FGF1: variants seen among roughly 807,000 people sequenced by gnomAD.
FGF1 encodes fibroblast growth factor 1.
A neutral mutation model predicts 13.4 loss-of-function variants in FGF1; 9 were observed. The observed-to-expected ratio is 0.67, with a 90% CI of 0.40 to 1.17. The LOEUF (loss-of-function observed/expected upper bound fraction) is 1.17. Among genes scored for constraint, FGF1 ranks in the 50% most tolerant of loss-of-function variants. The probability of loss-of-function intolerance (pLI) is 0.01; values close to 1 mark genes in which losing one functional copy is unlikely to be tolerated. For missense variants in FGF1, 156 were observed against 192.7 expected (o/e 0.81, Z 1.13); for synonymous variants, 93 against 79.0 (o/e 1.18, Z -0.94).
chr5:142,662,072 T>C (rs1165615526), intron 1 of FGF1, among the ~76,000 whole-genome samples: 1 of 151,750 alleles, frequency 6.6e-6, no homozygotes, highest in East Asian at 1.9e-4. Context: ...TTACATGAAA[T>C]GTCTGGAATA....
chr5:142,618,522 T>C (rs886126950), intron 1 of FGF1, among the ~76,000 whole-genome samples: 2 of 152,222 alleles, frequency 1.3e-5, no homozygotes, highest in African/African-American at 4.8e-5. Flanking sequence ...TTGAACTCGT[T>C]GGAGCCTGGT....
chr5:142,646,258 C>G (rs1353517569), intron 1 of FGF1, among the ~76,000 whole-genome samples: 1 of 133,452 alleles, frequency 7.5e-6, no homozygotes, highest in Non-Finnish European at 1.6e-5. Context: ...ACTCTGTCAC[C>G]CAGGCTGGAG....
At chr5:142,697,003 C>T (rs1269005017) in intron 2 of FGF1, among the ~76,000 whole-genome samples, 23 of 152,200 alleles carry the variant, frequency 1.5e-4, no homozygotes, top group Admixed American at 1.5e-3. Context: ...GCTGCAAAAT[C>T]TGTTTCTCCT....
At chr5:142,691,218 C>T (rs1227912689) in intron 2 of FGF1, among the ~76,000 whole-genome samples, 7 of 151,996 alleles carry the variant, frequency 4.6e-5, no homozygotes, top group African/African-American at 7.3e-5. Flanking sequence ...GTTAGGAGTT[C>T]GAGACTAGCC....
rs145735114 is a variant in FGF1, at chr5:142,673,916, A to G, written c.-35+12041T>C. Among the ~76,000 whole-genome samples, 520 of 152,300 alleles carry G rather than the reference A, an allele frequency of 3.4e-3. 1 individual carries two copies. Among genetic ancestry groups the G allele is most frequent in the Middle Eastern group, 0.014 (4 of 294 alleles). ...TTTTTGCATGGCTCCAGGGCCCTGC[A>G]TGAGGTCTTTGCATGCCTCACCAGC... On this transcript the variant is annotated intron_variant, in intron 1 of 3. Transcript: ENST00000337706.
Position 142,643,996 on chromosome 5 carries a change from A to G in FGF1, c.-34-29835T>C, listed in dbSNP as rs566885679. Reference sequence around the variant, plus strand: ...ATCTTTTCCAATTCTCATGCAGAGAACATTTTCCCGACTTAGCTAGGCTCT... The same window carrying G: ...ATCTTTTCCAATTCTCATGCAGAGAGCATTTTCCCGACTTAGCTAGGCTCT... On this transcript the variant is annotated intron_variant, in intron 1 of 3. Coordinates refer to ENST00000337706, the MANE Select transcript of FGF1 (RefSeq NM_000800.5). The G allele has an allele frequency of 2.0e-5, 3 of 152,376 alleles. No homozygotes were observed. The South Asian group carries it at 6.2e-4, about 32-fold the overall frequency. The allele number at this position is 152,376 out of a possible 1,614,324, so 9.4% of individuals were successfully genotyped here. A position where few individuals can be genotyped will look rare whatever the true frequency, so the allele number is the denominator to read the frequency against.
intron 1 of FGF1, among the ~76,000 whole-genome samples, chr5:142,663,209 G>A (rs941820405): frequency 4.0e-5 from 6 of 148,592 alleles, no homozygotes; most frequent in South Asian, 4.2e-4. Flanking sequence ...AAAAGATTCC[G>A]AAGGACAGAG....
chr5:142,657,488 G>A (rs963009565), intron 1 of FGF1, among the ~76,000 whole-genome samples: 1 of 152,220 alleles, frequency 6.6e-6, no homozygotes, highest in Non-Finnish European at 1.5e-5. Flanking sequence ...AACAACCTTG[G>A]AAAAGCTTGT....
intron 3 of FGF1, among the ~76,000 whole-genome samples, chr5:142,599,162 G>A (rs952972607): frequency 1.3e-5 from 2 of 152,198 alleles, no homozygotes; most frequent in Admixed American, 6.5e-5. Flanking sequence ...TGGCAGAGGC[G>A]TGAGATTCAA....
At chr5:142,678,080 C>G (rs889475606) in intron 1 of FGF1, among the ~76,000 whole-genome samples, 1 of 152,102 alleles carries the variant, frequency 6.6e-6, no homozygotes, top group Non-Finnish European at 1.5e-5. Flanking sequence ...GGGCCTAGAA[C>G]AGCAGAGGAG....
At chr5:142,683,924 A>G (rs1774204688) in intron 1 of FGF1, among the ~76,000 whole-genome samples, 1 of 151,830 alleles carries the variant, frequency 6.6e-6, no homozygotes, top group Non-Finnish European at 1.5e-5. Context: ...TTAAAATCCT[A>G]TATATACGAG....
intron 2 of FGF1, among the ~76,000 whole-genome samples, chr5:142,602,782 T>C (rs974527751): frequency 2.6e-5 from 4 of 152,188 alleles, no homozygotes; most frequent in Non-Finnish European, 5.9e-5. Flanking sequence ...AGTAAACTTC[T>C]TTCTTCTTGC....
At chr5:142,693,840 C>T (rs560096646) in intron 2 of FGF1, among the ~76,000 whole-genome samples, 3 of 152,286 alleles carry the variant, frequency 2.0e-5, no homozygotes, top group Admixed American at 6.5e-5. Flanking sequence ...TATTGGAGAA[C>T]ATATCAACAT....
intron 2 of FGF1, among the ~76,000 whole-genome samples, chr5:142,610,480 G>A (rs978709355): frequency 6.6e-6 from 1 of 152,134 alleles, no homozygotes; most frequent in African/African-American, 2.4e-5. Context: ...GTCCAAAATG[G>A]AACTGGCCAT....
intron 1 of FGF1, chr5:142,644,231 C>T (rs1006878251): frequency 6.6e-6 from 1 of 152,302 alleles, no homozygotes; most frequent in Non-Finnish European, 1.5e-5. Flanking sequence ...CTGGTTGCCT[C>T]ACTGAGTTGG....
chr5:142,693,837 G>A (rs1043125143), intron 2 of FGF1, among the ~76,000 whole-genome samples: 4 of 152,118 alleles, frequency 2.6e-5, no homozygotes, highest in African/African-American at 9.7e-5. Flanking sequence ...CTGTATTGGA[G>A]AACATATCAA....
chr5:142,654,306 ATTTGGGGACT>A (rs772760164), intron 1 of FGF1, among the ~76,000 whole-genome samples: 1 of 152,196 alleles, frequency 6.6e-6, no homozygotes, highest in Non-Finnish European at 1.5e-5. Context: ...GGCACATGAA[ATTTGGGGACT>A]TTTGATGCAG....
At chr5:142,608,749 G>GTATATATATATATATATATATATA in intron 2 of FGF1, among the ~76,000 whole-genome samples, 1 of 144,258 alleles carries the variant, frequency 6.9e-6, no homozygotes, top group East Asian at 2.3e-4. Context: ...TATATATATA[G>GTATATATATATATATATATATATA]TATATATACA....
At chr5:142,608,091 C>A (rs1370320692) in intron 2 of FGF1, among the ~76,000 whole-genome samples, 2 of 152,194 alleles carry the variant, frequency 1.3e-5, no homozygotes, top group Non-Finnish European at 2.9e-5. Flanking sequence ...TGAGGTCTTG[C>A]ACCCTGTTTC....
Sources: allele counts gnomAD v4.1 joint callset (sites outside exome capture counted in the v4.1 genomes callset), GRCh38; gene constraint gnomAD v4.1.1; transcripts MANE v1.5; gene names NCBI Gene and HGNC (gene_info 2026-07-23, HGNC 2026-07-21).